Variants in APOBEC1 observed in about 807,000 individuals in gnomAD.
APOBEC1 encodes apolipoprotein B mRNA editing enzyme catalytic subunit 1, also known as C->U-editing enzyme APOBEC-1.
In APOBEC1, 22 loss-of-function variants were observed where a neutral mutation model predicts 26.3. The ratio of observed to expected loss-of-function variants is 0.84; its 90% CI spans 0.60 to 1.19. The LOEUF is 1.19. Among genes scored for constraint, APOBEC1 ranks in the 50% most tolerant of loss-of-function variants. The pLI is 0.00. For missense variants in APOBEC1, 253 were observed against 289.0 expected, an observed-to-expected ratio of 0.88 and a Z score of 0.90; for synonymous variants, 77 against 95.3, an observed-to-expected ratio of 0.81 and a Z score of 1.12.
intron 1 of APOBEC1, among the ~76,000 whole-genome samples, chr12:7,661,541 G>T (rs1280995022): frequency 6.6e-6 from 1 of 151,834 alleles, no homozygotes; most frequent in Admixed American, 6.6e-5. Flanking sequence ...CTTTATAATT[G>T]TAATTATACA....
chr12:7,665,022 T>C (rs1034818522), intron 1 of APOBEC1, among the ~76,000 whole-genome samples: 3 of 152,016 alleles, frequency 2.0e-5, no homozygotes, highest in African/African-American at 7.3e-5. Flanking sequence ...CTGGGCGAAG[T>C]AGTGAACCCA....
At chr12:7,660,375 G>GGACAGAAAGAAA (rs1863794824) in intron 1 of APOBEC1, among the ~76,000 whole-genome samples, 1 of 23,950 alleles carries the variant, frequency 4.2e-5, no homozygotes, top group African/African-American at 1.3e-4. Context: ...AAGGAAGGAA[G>GGACAGAAAGAAA]GAAAGAAAGA....
intron 1 of APOBEC1, among the ~76,000 whole-genome samples, chr12:7,663,394 C>T (rs1170252048): frequency 6.6e-6 from 1 of 152,092 alleles, no homozygotes; most frequent in African/African-American, 2.4e-5. Context: ...TCAGGAAACA[C>T]TATTCCAAGT....
rs34455959 is a variant in APOBEC1, at chr12:7,660,701, TAA to T, written c.16+5154_16+5155del. On this transcript the variant is annotated intron_variant, in intron 1 of 4. Coordinates refer to ENST00000229304, the MANE Select transcript of APOBEC1 (RefSeq NM_001644.5). ...CTTGGTGACAGAATGAGATTCCATCTAAAAAAAAAAAAAAAAAGGGTATTTGA... is the reference window on the plus strand; with the variant it reads ...CTTGGTGACAGAATGAGATTCCATCTAAAAAAAAAAAAAAAGGGTATTTGA... Among the ~76,000 whole-genome samples, 490 of 120,018 alleles carry T rather than the reference TAA, an allele frequency of 4.1e-3. 2 individuals are homozygous for T. Among genetic ancestry groups the T allele is most frequent in the Non-Finnish European group, 5.9e-3 (349 of 59,504 alleles). 78.7% of individuals were successfully genotyped at this position (120,018 alleles called of 152,430 possible).
intron 3 of APOBEC1, among the ~76,000 whole-genome samples, chr12:7,652,093 A>T (rs1863651190): frequency 1.3e-5 from 2 of 152,118 alleles, no homozygotes; most frequent in Admixed American, 6.5e-5. Context: ...AAGTGCTGGG[A>T]TTACAGGCGT....
In APOBEC1 at chr12:7,652,915, TTTTTATTTTA is replaced by T. The variant is rs1555093598; in HGVS notation, c.45-90_45-81del. The T allele has an allele frequency of 1.6e-5, 14 of 859,938 alleles. No individual in the cohort carries two copies. The Admixed American group carries it at 2.8e-4, about 17-fold the overall frequency. The allele number at this position is 859,938 out of a possible 1,614,324, so 53.3% of individuals were successfully genotyped here. A position where few individuals can be genotyped will look rare whatever the true frequency, so the allele number is the denominator to read the frequency against. On this transcript the variant is annotated intron_variant, in intron 2 of 4. Transcript: ENST00000229304. ...AATCTTTTCCTGCTCCCCTCTTCTT[TTTTTATTTTA>T]TTTTATTTTATTTTATTTTTTTAAG...
intron 4 of APOBEC1, 48 bp from the exon 5 acceptor site, chr12:7,649,744 T>C (rs1249397181): frequency 1.6e-6 from 2 of 1,273,164 alleles, no homozygotes; most frequent in South Asian, 2.6e-5. Flanking sequence ...AATATTTTAA[T>C]TAATAATATT....
At position 7,652,632 on chromosome 12, in the gene APOBEC1, G is replaced by A. The variant is rs1565439833; in HGVS notation, c.248C>T (p.Ser83Phe). The stretch of plus-strand genomic sequence containing the variant: ...ACTCCAGGACAAGAACCAGGTGATG[G>A]AGCAGCTCATGGATGGGTGAAAATC... ...ERDFHPSMSCSITWFLSWSPC... is the reference protein window; with the variant it reads ...ERDFHPSMSCFITWFLSWSPC... Residue 83 changes from serine (S) to phenylalanine (F), a missense_variant, in exon 3 of 5, where the codon TCC becomes TTC. By Grantham distance (155) the Ser-to-Phe change is radical. Transcript: ENST00000229304. 6.2e-7 allele frequency: 1 copy of A among 1,614,158 alleles called. No individual in the cohort carries two copies. The highest frequency in any genetic ancestry group is 8.5e-7 in the Non-Finnish European group (1 of 1,179,992).
At chr12:7,660,130 C>T (rs886794644) in intron 1 of APOBEC1, among the ~76,000 whole-genome samples, 3 of 151,398 alleles carry the variant, frequency 2.0e-5, no homozygotes, top group African/African-American at 7.3e-5. Flanking sequence ...TGGTGAAACC[C>T]CGTCTCTACT....
upstream of APOBEC1, among the ~76,000 whole-genome samples, chr12:7,668,805 T>C (rs1428063226): frequency 6.6e-6 from 1 of 152,162 alleles, no homozygotes; most frequent in African/African-American, 2.4e-5. Flanking sequence ...CTTGGCTCAC[T>C]GTAGCCTCAG....
chr12:7,668,657 A>C (rs1458844676), upstream of APOBEC1, among the ~76,000 whole-genome samples: 1 of 152,126 alleles, frequency 6.6e-6, no homozygotes, highest in East Asian at 1.9e-4. Context: ...AATTTTGAAA[A>C]ATGTATACAT....
chr12:7,660,652 AAG>A (rs1376194951), intron 1 of APOBEC1, among the ~76,000 whole-genome samples: 5 of 150,016 alleles, frequency 3.3e-5, no homozygotes, highest in South Asian at 4.2e-4. Context: ...GCAGTGAGCC[AAG>A]AATGTGCCAC....
rs1315148641 is a variant in APOBEC1 at position 7,654,617 on chromosome 12, T to C, written c.32A>G (p.Asp11Gly). The change falls in exon 2 of 5, where the codon GAC (aspartate) becomes GGC (glycine). Residue 11 changes from aspartate (D) to glycine (G), a missense_variant. Transcript: ENST00000229304. ...GTGTTATTCTTACCTCAGAGTGGGG[T>C]CACCGGTTGAAGGACCTGTTGACCA... MTSEKGPSTGDPTLRRRIEPW... is the reference protein window; with the variant it reads MTSEKGPSTGGPTLRRRIEPW... 1 of 1,614,048 alleles carries C rather than the reference T, an allele frequency of 6.2e-7. No individual in the cohort carries two copies. Among genetic ancestry groups the C allele is most frequent in the Non-Finnish European group, 8.5e-7 (1 of 1,179,934 alleles).
intron 1 of APOBEC1, among the ~76,000 whole-genome samples, chr12:7,660,915 C>T (rs1023492567): frequency 4.2e-4 from 64 of 151,298 alleles, no homozygotes; most frequent in African/African-American, 1.3e-3. Context: ...CAGGAACAGC[C>T]AGGCATGGTG....
chr12:7,660,375 G>GGAAGGAAGGAAGGAAGGAAGGACA (rs61183510), intron 1 of APOBEC1, among the ~76,000 whole-genome samples: 4 of 23,970 alleles, frequency 1.7e-4, no homozygotes, highest in Non-Finnish European at 2.9e-4. Context: ...AAGGAAGGAA[G>GGAAGGAAGGAAGGAAGGAAGGACA]GAAAGAAAGA....
At chr12:7,661,502 TAGATAGATAGA>T (rs1863819949) in intron 1 of APOBEC1, among the ~76,000 whole-genome samples, 1 of 112,996 alleles carries the variant, frequency 8.8e-6, no homozygotes, top group Non-Finnish European at 2.0e-5. Flanking sequence ...GATAGATAGA[TAGATAGATAGA>T]TAGATAGATA....
Position 7,660,375 on chromosome 12 carries a change from G to GAAAGAAA in APOBEC1, c.16+5481_16+5482insTTTCTTT, listed in dbSNP as rs1555094887. ...AGGAAGGAAGGAAGGAAGGAAGGAA[G>GAAAGAAA]GAAAGAAAGAAAGAAAGAAAGAAAG... On this transcript the variant is annotated intron_variant, in intron 1 of 4. Coordinates refer to ENST00000229304, the MANE Select transcript of APOBEC1 (RefSeq NM_001644.5). Among the ~76,000 whole-genome samples the GAAAGAAA allele has an allele frequency of 1.8e-3, 42 of 23,954 alleles. 1 individual carries two copies. The highest frequency in any genetic ancestry group is 4.4e-3 in the African/African-American group (35 of 7,924). 15.7% of individuals were successfully genotyped at this position (23,954 alleles called of 152,430 possible).
chr12:7,665,850 AT>A lies in APOBEC1; in HGVS notation c.16+6del, dbSNP rs1466777669. On this transcript the variant is annotated splice_donor_region_variant and intron_variant, in intron 1 of 4. Coordinates refer to ENST00000229304, the MANE Select transcript of APOBEC1 (RefSeq NM_001644.5). Reference sequence around the variant, plus strand: ...GAATACTTGCCAAGCCCCCGGATCCATTTTACCTTTCTCAGAAGTCATGGTG... The same window carrying A: ...GAATACTTGCCAAGCCCCCGGATCCATTTACCTTTCTCAGAAGTCATGGTG... 4 of 1,610,326 alleles carry A rather than the reference AT, an allele frequency of 2.5e-6. No individual in the cohort carries two copies. Among genetic ancestry groups the A allele is most frequent in the Non-Finnish European group, 3.4e-6 (4 of 1,178,980 alleles).
chr12:7,669,325 G>C (rs941822026), upstream of APOBEC1, among the ~76,000 whole-genome samples: 6 of 151,928 alleles, frequency 3.9e-5, no homozygotes, highest in South Asian at 2.1e-4. Context: ...TAGGTGTATT[G>C]GTGGTTAATT....
Sources: allele counts gnomAD v4.1 joint callset (sites outside exome capture counted in the v4.1 genomes callset), GRCh38; gene constraint gnomAD v4.1.1; transcripts MANE v1.5; gene names NCBI Gene and HGNC (gene_info 2026-07-23, HGNC 2026-07-21).